The following TENM4 variants were observed in gnomAD, a reference collection of about 807,000 sequenced individuals.
TENM4 encodes teneurin-4.
In TENM4, 82 loss-of-function variants were observed where a neutral mutation model predicts 243.3. The ratio of observed to expected loss-of-function variants is 0.34; its 90% CI spans 0.28 to 0.40. The LOEUF (loss-of-function observed/expected upper bound fraction) is 0.40. Among genes scored for constraint, TENM4 ranks in the 10% least tolerant of loss-of-function variants. TENM4 has a pLI of 1.00. For synonymous variants in TENM4, 1,412 were observed against 1,456.3 expected (o/e 0.97, Z 0.69); for missense variants, 3,138 against 3,673.3 (o/e 0.85, Z 3.77).
At chr11:78,896,375 C>A (rs1855796193) in intron 7 of TENM4, among the ~76,000 whole-genome samples, 1 of 152,042 alleles carries the variant, frequency 6.6e-6, no homozygotes, top group Admixed American at 6.6e-5. Flanking sequence ...AAAAAATGAA[C>A]CAGGCACCAG....
intron 1 of TENM4, among the ~76,000 whole-genome samples, chr11:79,409,053 G>A (rs2135568553): frequency 6.8e-6 from 1 of 146,200 alleles, no homozygotes; most frequent in Middle Eastern, 3.4e-3. Flanking sequence ...TGTCTATGAG[G>A]GATATTTTGT....
At chr11:79,203,970 CA>C (rs1214637858) in intron 3 of TENM4, among the ~76,000 whole-genome samples, 3 of 152,140 alleles carry the variant, frequency 2.0e-5, no homozygotes, top group South Asian at 2.1e-4. Flanking sequence ...AAGCCAGCCA[CA>C]AAAAAACACA....
chr11:78,872,898 T>G (rs1433212692), intron 9 of TENM4, among the ~76,000 whole-genome samples: 1 of 152,178 alleles, frequency 6.6e-6, no homozygotes, highest in Non-Finnish European at 1.5e-5. Flanking sequence ...TTTTAATTTG[T>G]GTATGTATTA....
chr11:78,880,457 T>TAAAAAAAAAAAAAAAAA (rs71763484), intron 9 of TENM4, among the ~76,000 whole-genome samples: 2 of 104,644 alleles, frequency 1.9e-5, no homozygotes, highest in African/African-American at 1.4e-4. Context: ...CAATAAATAC[T>TAAAAAAAAAAAAAAAAA]AAAAAAAAAA....
At chr11:78,860,437 A>G (rs1385115180) in intron 10 of TENM4, among the ~76,000 whole-genome samples, 1 of 152,216 alleles carries the variant, frequency 6.6e-6, no homozygotes, top group Admixed American at 6.5e-5. Context: ...ACCCCTTTCT[A>G]TCACACCACA....
In TENM4 at chr11:78,672,100, T is replaced by C. The variant is rs1290042781; in HGVS notation, c.5726A>G (p.Gln1909Arg). The C allele has an allele frequency of 1.2e-6, 2 of 1,613,904 alleles. No individual in the cohort carries two copies. Among genetic ancestry groups the C allele is most frequent in the Admixed American group, 3.3e-5 (2 of 60,004 alleles). Residue 1909 changes from glutamine (Q) to arginine (R), a missense_variant, in exon 31 of 34, where the codon CAG (glutamine) becomes CGG (arginine). Transcript: ENST00000278550. ...GIMSERMEYDQAGRITSRIFA... is the reference protein window; with the variant it reads ...GIMSERMEYDRAGRITSRIFA... ...GATCCTGGATGTGATGCGGCCCGCC[T>C]GGTCGTATTCCATTCTTTCAGACAT...
chr11:78,719,597 A>C (rs1350068296), intron 25 of TENM4, among the ~76,000 whole-genome samples: 1 of 152,154 alleles, frequency 6.6e-6, no homozygotes, highest in Non-Finnish European at 1.5e-5. Flanking sequence ...ACTGAGAGCC[A>C]CTTCTGTGGC....
intron 6 of TENM4, among the ~76,000 whole-genome samples, chr11:78,956,211 T>C (rs1324404295): frequency 6.6e-6 from 1 of 152,096 alleles, no homozygotes; most frequent in Non-Finnish European, 1.5e-5. Context: ...CTGGAGATAG[T>C]GTACACAAGG....
chr11:78,856,319 C>T lies in TENM4; in HGVS notation c.1256-141G>A, dbSNP rs947879081. On this transcript the variant is annotated intron_variant, in intron 10 of 33. Coordinates refer to ENST00000278550, the MANE Select transcript of TENM4 (RefSeq NM_001098816.3). The stretch of plus-strand genomic sequence containing the variant: ...TGTTCTGCTGTCAGCTTCCTCCCCA[C>T]CCTGGCCCTCCCCACATGGAGGAGT... The T allele has an allele frequency of 1.2e-4, 87 of 731,282 alleles. 1 individual carries two copies. In the African/African-American group the frequency reaches 1.4e-3, roughly 11 times the overall value. The allele number at this position is 731,282 out of a possible 1,614,324, so 45.3% of individuals were successfully genotyped here. A position where few individuals can be genotyped will look rare whatever the true frequency, so the allele number is the denominator to read the frequency against.
chr11:78,754,010 C>T (rs1856249676), intron 19 of TENM4, among the ~76,000 whole-genome samples: 1 of 152,178 alleles, frequency 6.6e-6, no homozygotes, highest in Non-Finnish European at 1.5e-5. Context: ...GATAATATGT[C>T]CATCCTTCCT....
intron 2 of TENM4, among the ~76,000 whole-genome samples, chr11:79,253,452 A>T (rs1855646715): frequency 6.6e-6 from 1 of 152,152 alleles, no homozygotes; most frequent in Non-Finnish European, 1.5e-5. Context: ...CATGCTGATG[A>T]TCTTCATGGT....
At chr11:79,282,351 C>G (rs1331907820) in intron 2 of TENM4, among the ~76,000 whole-genome samples, 1 of 152,116 alleles carries the variant, frequency 6.6e-6, no homozygotes, top group Non-Finnish European at 1.5e-5. Flanking sequence ...ACTCCAGGGC[C>G]TGGCACAGGA....
intron 17 of TENM4, 105 bp downstream of exon 17, chr11:78,778,497 G>T: frequency 8.1e-7 from 1 of 1,238,178 alleles, no homozygotes; most frequent in Non-Finnish European, 1.1e-6. Flanking sequence ...CAGACATCAT[G>T]CTTATGTGGT....
chr11:78,812,259 C>T lies in TENM4; in HGVS notation c.1841G>A (p.Cys614Tyr), dbSNP rs1185016423. ...NGQYMKGRCL[C>Y]HSGWKGAECD... is the part of the protein sequence containing the mutation. Reference sequence around the variant, plus strand: ...CTCAGCGCCTTTCCAGCCACTGTGGCACAAGCATCTGCCTTTCATGTATTG... The same window carrying T: ...CTCAGCGCCTTTCCAGCCACTGTGGTACAAGCATCTGCCTTTCATGTATTG... The change falls in exon 14 of 34, where the codon TGC becomes TAC. Residue 614 changes from cysteine (C) to tyrosine (Y), a missense_variant. By Grantham distance (194) the Cys-to-Tyr change is radical. Around this residue, in one of 2 missense-constraint regions of TENM4, gnomAD observed 2,467 missense variants for 3,059.1 expected, o/e 0.81. Coordinates refer to ENST00000278550, the MANE Select transcript of TENM4 (RefSeq NM_001098816.3). 6.4e-7 allele frequency: 1 copy of T among 1,552,082 alleles called. No individual in the cohort carries two copies. The highest frequency in any genetic ancestry group is 8.7e-7 in the Non-Finnish European group (1 of 1,147,184).
At chr11:78,966,213 A>G (rs1857435066) in intron 6 of TENM4, among the ~76,000 whole-genome samples, 1 of 148,608 alleles carries the variant, frequency 6.7e-6, no homozygotes, top group Non-Finnish European at 1.5e-5. Flanking sequence ...AAAAAAAAAG[A>G]AAGAAAAGAG....
intron 1 of TENM4, among the ~76,000 whole-genome samples, chr11:79,377,918 A>G (rs1326104532): frequency 2.0e-5 from 3 of 152,228 alleles, no homozygotes; most frequent in African/African-American, 4.8e-5. Flanking sequence ...CACCTTTCCC[A>G]TCCTTTTGTA....
intron 6 of TENM4, among the ~76,000 whole-genome samples, chr11:78,994,659 T>C (rs1858128238): frequency 6.6e-6 from 1 of 152,200 alleles, no homozygotes; most frequent in South Asian, 2.1e-4. Flanking sequence ...TATTCTATTA[T>C]GGCCAGAGTG....
intron 6 of TENM4, among the ~76,000 whole-genome samples, chr11:79,022,167 C>G (rs536038297): frequency 1.3e-5 from 2 of 152,176 alleles, no homozygotes; most frequent in Non-Finnish European, 2.9e-5. Context: ...TCACATCAGG[C>G]ACTGTGTTTC....
intron 32 of TENM4, among the ~76,000 whole-genome samples, chr11:78,664,940 A>G (rs1858116642): frequency 6.6e-6 from 1 of 152,220 alleles, no homozygotes; most frequent in Non-Finnish European, 1.5e-5. Context: ...GCCTTTAGGA[A>G]AAAATGCTGA....
Sources: gnomAD v4.1 joint callset for allele counts (sites outside exome capture counted in the v4.1 genomes callset) on GRCh38, gnomAD v4.1.1 for gene constraint, gnomAD v4.1.1 regional missense constraint, MANE v1.5 for transcripts, NCBI Gene and HGNC (gene_info 2026-07-23, HGNC 2026-07-21) for gene names.